Variants in RBFOX1 observed in about 807,000 individuals in gnomAD.
RBFOX1 encodes the protein RNA binding fox-1 homolog 1.
Under a neutral mutation model 57.7 loss-of-function variants are expected in RBFOX1, and 8 were observed. The ratio of observed to expected loss-of-function variants is 0.14; its 90% confidence interval spans 0.08 to 0.25. RBFOX1 has a LOEUF of 0.25. Among genes scored for constraint, RBFOX1 ranks in the 10% least tolerant of loss-of-function variants. The probability of loss-of-function intolerance (pLI) is 1.00; values close to 1 mark genes in which losing one functional copy is unlikely to be tolerated. For missense variants in RBFOX1, 611 were observed against 548.5 expected (o/e 1.11, Z -1.14); for synonymous variants, 326 against 222.4 (o/e 1.47, Z -4.15).
intron 3 of RBFOX1, among the ~76,000 whole-genome samples, chr16:6,825,243 G>C (rs966353483): frequency 1.3e-5 from 2 of 150,484 alleles, no homozygotes; most frequent in African/African-American, 4.9e-5. Context: ...CTGCCCTCTA[G>C]CTACTAGATA....
At chr16:6,815,444 A>T (rs1289996968) in intron 3 of RBFOX1, among the ~76,000 whole-genome samples, 2 of 152,172 alleles carry the variant, frequency 1.3e-5, no homozygotes, top group Non-Finnish European at 2.9e-5. Context: ...ACTCTGGTTC[A>T]AACACCTCTG....
At chr16:6,485,927 AG>A (rs572203843) in intron 2 of RBFOX1, among the ~76,000 whole-genome samples, 81 of 152,156 alleles carry the variant, frequency 5.3e-4, no homozygotes, top group Non-Finnish European at 8.4e-4. Flanking sequence ...CTTATGGGCC[AG>A]GTAATTGAAG....
At chr16:5,406,454 T>C (rs2066870277) in intron 1 of RBFOX1, among the ~76,000 whole-genome samples, 1 of 152,122 alleles carries the variant, frequency 6.6e-6, no homozygotes, top group Admixed American at 6.5e-5. Flanking sequence ...ATGTATCCCA[T>C]TGGTTTTTCT....
At chr16:6,702,351 C>G (rs2061982526) in intron 3 of RBFOX1, among the ~76,000 whole-genome samples, 1 of 152,110 alleles carries the variant, frequency 6.6e-6, no homozygotes, top group Non-Finnish European at 1.5e-5. Flanking sequence ...GTAAGGAGTT[C>G]AAGACCAGAC....
intron 3 of RBFOX1, among the ~76,000 whole-genome samples, chr16:5,817,605 G>C (rs1597369246): frequency 6.6e-6 from 1 of 151,980 alleles, no homozygotes; most frequent in South Asian, 2.1e-4. Context: ...CTGGAGAGGG[G>C]AGAGAGAAAG....
chr16:7,473,277 C>T (rs1236117759), intron 4 of RBFOX1, among the ~76,000 whole-genome samples: 3 of 151,840 alleles, frequency 2.0e-5, no homozygotes, highest in Admixed American at 6.6e-5. Context: ...ACTCAGGAGG[C>T]TGAGGCATGA....
intron 4 of RBFOX1, among the ~76,000 whole-genome samples, chr16:7,084,347 G>GA (rs923843681): frequency 1.3e-5 from 2 of 151,782 alleles, no homozygotes; most frequent in African/African-American, 2.4e-5. Flanking sequence ...AGGGAAGAAA[G>GA]AAAAAAATGT....
intron 2 of RBFOX1, among the ~76,000 whole-genome samples, chr16:6,602,332 G>A (rs534685480): frequency 3.9e-5 from 6 of 152,232 alleles, no homozygotes; most frequent in East Asian, 1.9e-4. Flanking sequence ...GAAAAAGTCC[G>A]ACGTATTCTT....
chr16:7,709,494 C>G (rs926839012), intron 15 of RBFOX1: 1 of 1,497,264 alleles, frequency 6.7e-7, no homozygotes, highest in Non-Finnish European at 8.8e-7. Context: ...ATTCACATAG[C>G]CCCAAGGTTC....
In RBFOX1 at chr16:6,215,704, G is replaced by C. The variant is rs1386955644; in HGVS notation, c.-126-101291G>C. Among the ~76,000 whole-genome samples, 7 of 152,012 alleles carry C rather than the reference G, an allele frequency of 4.6e-5. No individual in the cohort carries two copies. The East Asian group carries it at 1.4e-3, about 29-fold the overall frequency. The stretch of plus-strand genomic sequence containing the variant: ...CCCTCCCTTATGGATTGTTTATCCT[G>C]GGTGATGATCTGTGGGCACATCTCA... On this transcript the variant is annotated intron_variant, in intron 1 of 15. Transcript: ENST00000550418.
At chr16:7,430,523 G>A (rs1041850175) in intron 4 of RBFOX1, among the ~76,000 whole-genome samples, 5 of 152,054 alleles carry the variant, frequency 3.3e-5, no homozygotes, top group African/African-American at 7.2e-5. Context: ...TTAGCCAGCC[G>A]TGGTGGCACG....
At chr16:5,967,490 T>C (rs1464551062) in intron 4 of RBFOX1, among the ~76,000 whole-genome samples, 1 of 152,228 alleles carries the variant, frequency 6.6e-6, no homozygotes, top group Non-Finnish European at 1.5e-5. Flanking sequence ...TTTATGACCA[T>C]AATCTGAGTG....
intron 3 of RBFOX1, among the ~76,000 whole-genome samples, chr16:5,807,001 A>T (rs1447317261): frequency 3.9e-5 from 6 of 152,116 alleles, no homozygotes; most frequent in Non-Finnish European, 7.4e-5. Context: ...CTGGGGGAGA[A>T]GCTAGAGCTA....
At chr16:7,445,324 A>G (rs943542373) in intron 4 of RBFOX1, among the ~76,000 whole-genome samples, 1 of 152,298 alleles carries the variant, frequency 6.6e-6, no homozygotes, top group South Asian at 2.1e-4. Context: ...CTTCTGAACA[A>G]TAGCACTCCC....
intron 3 of RBFOX1, among the ~76,000 whole-genome samples, chr16:5,790,505 A>T (rs76842299): frequency 0.024 from 3,300 of 138,300 alleles, 122 homozygotes; most frequent in African/African-American, 0.085. Context: ...GGAAAACAAT[A>T]TGCTGAAAAA....
intron 2 of RBFOX1, among the ~76,000 whole-genome samples, chr16:5,499,446 C>T (rs1000640921): frequency 5.3e-5 from 8 of 152,282 alleles, no homozygotes; most frequent in East Asian, 3.9e-4. Context: ...ACTCTTCACC[C>T]GTCCTTTCAG....
intron 4 of RBFOX1, among the ~76,000 whole-genome samples, chr16:5,949,054 C>G (rs913341557): frequency 2.6e-5 from 4 of 152,098 alleles, no homozygotes; most frequent in African/African-American, 4.8e-5. Flanking sequence ...GGGGGGTGTA[C>G]TCTTTGAAGG....
chr16:5,844,682 CTT>C (rs993414529), intron 3 of RBFOX1, among the ~76,000 whole-genome samples: 2 of 152,198 alleles, frequency 1.3e-5, no homozygotes, highest in African/African-American at 4.8e-5. Flanking sequence ...GTTCTCTTGT[CTT>C]TTCTCTGCCT....
chr16:7,520,833 C>A (rs867203169), intron 5 of RBFOX1, among the ~76,000 whole-genome samples: 1 of 152,248 alleles, frequency 6.6e-6, no homozygotes, highest in African/African-American at 2.4e-5. Context: ...AAAAAAGATC[C>A]AATCAGACAT....
Sources: gnomAD v4.1 joint callset for allele counts (sites outside exome capture counted in the v4.1 genomes callset) on GRCh38, gnomAD v4.1.1 for gene constraint, MANE v1.5 for transcripts, NCBI Gene and HGNC (gene_info 2026-07-23, HGNC 2026-07-21) for gene names.